PDE7B: variants seen among roughly 807,000 people sequenced by gnomAD.
PDE7B encodes the protein phosphodiesterase 7B.
Under a neutral mutation model 56.2 loss-of-function variants are expected in PDE7B, and 29 were observed. That is an observed-to-expected ratio of 0.52 (90% CI 0.38 to 0.70). The LOEUF is 0.70. Ranked by LOEUF, PDE7B falls within the 30% of genes least tolerant of loss-of-function variation. The pLI, the probability that PDE7B is intolerant of heterozygous loss-of-function variation, is 0.00. For missense variants in PDE7B, 490 were observed against 565.0 expected, an observed-to-expected ratio of 0.87 and a Z score of 1.35; for synonymous variants, 197 against 196.9, an observed-to-expected ratio of 1.00 and a Z score of 0.00.
At position 136,009,202 on chromosome 6, in the gene PDE7B, T is replaced by A. The variant is rs553598164; in HGVS notation, c.82+61678T>A. ...CTGTTCCATTGGTCTATATCTCTGT[T>A]TTGGTACCAGTACCATGCTGTTTTG... On this transcript the variant is annotated intron_variant, in intron 2 of 12. Coordinates refer to ENST00000308191, the MANE Select transcript of PDE7B (RefSeq NM_018945.4). Among the ~76,000 whole-genome samples the A allele has an allele frequency of 3.5e-4, 53 of 152,088 alleles. No homozygotes were observed. In the South Asian group the frequency reaches 6.4e-3, roughly 18 times the overall value.
intron 2 of PDE7B, among the ~76,000 whole-genome samples, chr6:136,078,972 AATGGGATTATAAAATT>A (rs1441040865): frequency 6.6e-6 from 1 of 152,146 alleles, no homozygotes; most frequent in Non-Finnish European, 1.5e-5. Flanking sequence ...GCAATTTTAT[AATGGGATTATAAAATT>A]GGGGTTATAC....
At chr6:136,009,664 G>T (rs1277685751) in intron 2 of PDE7B, among the ~76,000 whole-genome samples, 1 of 152,138 alleles carries the variant, frequency 6.6e-6, no homozygotes, top group African/African-American at 2.4e-5. Flanking sequence ...GAATGCTTGT[G>T]ATTTTTGCAC....
At chr6:136,165,771 C>G (rs1778782697) in intron 8 of PDE7B, 1 of 152,248 alleles carries the variant, frequency 6.6e-6, no homozygotes, top group Non-Finnish European at 1.5e-5. Flanking sequence ...CCACGCAACA[C>G]TTCTGCTAAC....
At chr6:135,865,338 G>T (rs1775234089) in intron 1 of PDE7B, among the ~76,000 whole-genome samples, 1 of 151,974 alleles carries the variant, frequency 6.6e-6, no homozygotes, top group African/African-American at 2.4e-5. Context: ...TTCTTCATCT[G>T]TATCTAATCT....
At chr6:136,009,621 A>C (rs1163869654) in intron 2 of PDE7B, among the ~76,000 whole-genome samples, 1 of 152,114 alleles carries the variant, frequency 6.6e-6, no homozygotes, top group African/African-American at 2.4e-5. Flanking sequence ...TTCACTCATG[A>C]TTTGGCTCCG....
Position 136,146,512 on chromosome 6 carries a change from C to G in PDE7B, c.167-839C>G, listed in dbSNP as rs192634931. Among the ~76,000 whole-genome samples the G allele has an allele frequency of 2.3e-3, 349 of 152,292 alleles. 3 individuals are homozygous for G. Among genetic ancestry groups the G allele is most frequent in the African/African-American group, 8.0e-3 (332 of 41,548 alleles). On this transcript the variant is annotated intron_variant, in intron 3 of 12. Transcript: ENST00000308191. ...AGAAAGTAAACACTCTCTGCTTCTT[C>G]TCAGGGGCATCCAGGTCACTTTTTG...
chr6:135,951,374 CATT>C (rs1346386139), intron 2 of PDE7B, among the ~76,000 whole-genome samples: 1 of 152,056 alleles, frequency 6.6e-6, no homozygotes, highest in Non-Finnish European at 1.5e-5. Context: ...GTGGAAGAGA[CATT>C]ATCTCTCACT....
At chr6:135,897,263 G>GGTGT (rs3037814) in intron 1 of PDE7B, among the ~76,000 whole-genome samples, 2,910 of 150,010 alleles carry the variant, frequency 0.019, 27 homozygotes, top group Middle Eastern at 0.034. Flanking sequence ...ATTGTGTCAG[G>GGTGT]GTGTGTGTGT....
chr6:135,940,200 C>G (rs1468023166), intron 1 of PDE7B, among the ~76,000 whole-genome samples: 4 of 152,186 alleles, frequency 2.6e-5, no homozygotes, highest in Non-Finnish European at 4.4e-5. Context: ...GCCCAGACAG[C>G]TACCTATGCC....
chr6:136,164,491 T>TCC, intron 8 of PDE7B, among the ~76,000 whole-genome samples: 1 of 152,094 alleles, frequency 6.6e-6, no homozygotes, highest in African/African-American at 2.4e-5. Flanking sequence ...ATATGATAAC[T>TCC]CCCCCATCCA....
intron 1 of PDE7B, among the ~76,000 whole-genome samples, chr6:135,902,684 T>C (rs1406966273): frequency 2.0e-5 from 3 of 152,202 alleles, no homozygotes; most frequent in Non-Finnish European, 2.9e-5. Context: ...TTGTATATCA[T>C]TGGCTTATTG....
At chr6:135,902,359 C>G (rs1022827243) in intron 1 of PDE7B, among the ~76,000 whole-genome samples, 2 of 148,014 alleles carry the variant, frequency 1.4e-5, no homozygotes, top group African/African-American at 5.0e-5. Context: ...TTTTAAAGAA[C>G]AACTGCAAAA....
intron 10 of PDE7B, 99 bp downstream of exon 10, chr6:136,179,240 CT>C: frequency 9.3e-7 from 1 of 1,079,626 alleles, no homozygotes; most frequent in Non-Finnish European, 1.4e-6. Context: ...ACTTGGGAGG[CT>C]GAGGCATGGG....
At chr6:135,975,803 C>G (rs965553926) in intron 2 of PDE7B, among the ~76,000 whole-genome samples, 3 of 52,486 alleles carry the variant, frequency 5.7e-5, no homozygotes, top group African/African-American at 4.4e-4. Context: ...AATGGGGATA[C>G]CTTAGGTGCC....
intron 2 of PDE7B, among the ~76,000 whole-genome samples, chr6:136,072,098 T>A (rs1392370102): frequency 6.6e-6 from 1 of 152,246 alleles, no homozygotes; most frequent in Non-Finnish European, 1.5e-5. Context: ...ATTCAGTCAG[T>A]CATTCTACAA....
At chr6:135,861,893 A>G (rs1294127497) in intron 1 of PDE7B, among the ~76,000 whole-genome samples, 1 of 151,882 alleles carries the variant, frequency 6.6e-6, no homozygotes, top group Non-Finnish European at 1.5e-5. Context: ...TCCAACTGGC[A>G]TCTCTTCAAT....
chr6:135,867,662 C>T (rs965197215), intron 1 of PDE7B, among the ~76,000 whole-genome samples: 3 of 152,072 alleles, frequency 2.0e-5, no homozygotes, highest in Non-Finnish European at 4.4e-5. Context: ...TACTCTTCTC[C>T]GTTGATAATA....
At chr6:136,134,794 T>A (rs1314705459) in intron 3 of PDE7B, among the ~76,000 whole-genome samples, 1 of 149,312 alleles carries the variant, frequency 6.7e-6, no homozygotes, top group African/African-American at 2.5e-5. Context: ...AAAATCCGTG[T>A]GTTGCATGGT....
At chr6:136,150,190 C>T (rs1447382952) in intron 5 of PDE7B, among the ~76,000 whole-genome samples, 2 of 152,130 alleles carry the variant, frequency 1.3e-5, no homozygotes, top group Non-Finnish European at 2.9e-5. Context: ...CAAAGAGCCT[C>T]ACAAGTATAT....
Sources: allele counts gnomAD v4.1 joint callset (sites outside exome capture counted in the v4.1 genomes callset), GRCh38; gene constraint gnomAD v4.1.1; transcripts MANE v1.5; gene names NCBI Gene and HGNC (gene_info 2026-07-23, HGNC 2026-07-21).